FAM171B: variants seen among roughly 807,000 people sequenced by gnomAD.
The protein encoded by FAM171B is protein FAM171B.
A neutral mutation model predicts 75.6 loss-of-function variants in FAM171B; 19 were observed. The observed-to-expected ratio is 0.25, with a 90% CI of 0.18 to 0.37. The LOEUF (loss-of-function observed/expected upper bound fraction) is 0.37. Among genes scored for constraint, FAM171B ranks in the 10% least tolerant of loss-of-function variants. FAM171B has a pLI of 1.00. For synonymous variants in FAM171B, 367 were observed against 361.7 expected (o/e 1.01, Z -0.17); for missense variants, 848 against 982.4 (o/e 0.86, Z 1.83).
Position 186,694,545 on chromosome 2 carries a change from C to G in FAM171B, c.238+134C>G, listed in dbSNP as rs1275920111. The G allele has an allele frequency of 7.1e-6, 9 of 1,259,788 alleles. No individual in the cohort carries two copies. The African/African-American group carries it at 1.4e-4, about 19-fold the overall frequency. 78.0% of individuals were successfully genotyped at this position (1,259,788 alleles called of 1,614,324 possible). A position where few individuals can be genotyped will look rare whatever the true frequency, so the allele number is the denominator to read the frequency against. ...GTCACCATCCCTCCCGATCTCTCTCCCCAGACTGGCTGCCCAGCCTTTGGT... is the reference window on the plus strand; with the variant it reads ...GTCACCATCCCTCCCGATCTCTCTCGCCAGACTGGCTGCCCAGCCTTTGGT... On this transcript the variant is annotated intron_variant, in intron 1 of 7. Coordinates refer to ENST00000304698, the MANE Select transcript of FAM171B (RefSeq NM_177454.4).
chr2:186,727,006 C>G (rs995265209), intron 1 of FAM171B, among the ~76,000 whole-genome samples: 4 of 152,120 alleles, frequency 2.6e-5, no homozygotes, highest in African/African-American at 9.7e-5. Flanking sequence ...TGATCTCTTT[C>G]TCCTTTTTCT....
Position 186,762,145 on chromosome 2 carries a change from G to A in FAM171B, c.1803G>A (p.Arg601=), listed in dbSNP as rs143358801. 36 of 1,613,512 alleles carry A rather than the reference G, an allele frequency of 2.2e-5. No individual in the cohort carries two copies. The highest frequency in any genetic ancestry group is 3.0e-5 in the Non-Finnish European group (35 of 1,179,766). The part of the protein sequence containing the change: ...IHSHAQPPDA[R]EEDIILEGQQ... Reference sequence around the variant, plus strand: ...CTCATGCACAGCCCCCAGATGCCAGGGAAGAGGATATCATACTTGAAGGTC... The same window carrying A: ...CTCATGCACAGCCCCCAGATGCCAGAGAAGAGGATATCATACTTGAAGGTC... Residue 601 remains arginine (R), a synonymous_variant, in exon 8 of 8, where the codon AGG becomes AGA. Transcript: ENST00000304698. This position sits in a 1 kb window ranked among gnomAD's most constrained non-coding sequence, Gnocchi z 4.0.
chr2:186,719,808 T>A (rs2682873), intron 1 of FAM171B, among the ~76,000 whole-genome samples: 67,632 of 151,962 alleles, frequency 0.45, 15,411 homozygotes, highest in East Asian at 0.74. Flanking sequence ...GACCTATTAT[T>A]TCTCCTCCCC....
In FAM171B at chr2:186,744,943, A is replaced by G. The variant is rs368532226; in HGVS notation, c.565+1368A>G. Among the ~76,000 whole-genome samples, 56 of 139,522 alleles carry G rather than the reference A, an allele frequency of 4.0e-4. 1 individual carries two copies. The highest frequency in any genetic ancestry group is 2.7e-3 in the South Asian group (12 of 4,394). The allele number at this position is 139,522 out of a possible 152,430, so 91.5% of individuals were successfully genotyped here. On this transcript the variant is annotated intron_variant, in intron 3 of 7. Transcript: ENST00000304698. ...CCTCCTGGACTCAAGTGATCCTTCC[A>G]CCTCAGCCTCCCAAGTAGCTGAGAC...
intron 1 of FAM171B, among the ~76,000 whole-genome samples, chr2:186,697,039 G>GATGGATGGATGA (rs1553508595): frequency 1.3e-5 from 2 of 151,588 alleles, no homozygotes; most frequent in African/African-American, 4.9e-5. Flanking sequence ...TGGATGGATG[G>GATGGATGGATGA]ATGAATGAAT....
intron 1 of FAM171B, among the ~76,000 whole-genome samples, chr2:186,724,328 G>C (rs1345617790): frequency 6.6e-6 from 1 of 152,138 alleles, no homozygotes; most frequent in Non-Finnish European, 1.5e-5. Flanking sequence ...CACGATTTAT[G>C]CTGGGGGTCC....
intron 2 of FAM171B, among the ~76,000 whole-genome samples, chr2:186,740,809 C>G (rs1285902760): frequency 1.3e-5 from 2 of 152,146 alleles, no homozygotes; most frequent in Non-Finnish European, 2.9e-5. Context: ...AATGGGCAAA[C>G]AAGTTCTCTT....
intron 1 of FAM171B, among the ~76,000 whole-genome samples, chr2:186,708,355 A>AT (rs56138791): frequency 1.1e-4 from 16 of 151,702 alleles, no homozygotes; most frequent in African/African-American, 2.9e-4. Flanking sequence ...TGATTTCACT[A>AT]TTTTTTTTTC....
At chr2:186,699,058 T>C (rs1689619257) in intron 1 of FAM171B, among the ~76,000 whole-genome samples, 1 of 152,214 alleles carries the variant, frequency 6.6e-6, no homozygotes, top group Admixed American at 6.5e-5. Flanking sequence ...TTCCAAATAT[T>C]GGCGATTGTG....
chr2:186,722,573 A>C (rs1243791351), intron 1 of FAM171B, among the ~76,000 whole-genome samples: 1 of 152,214 alleles, frequency 6.6e-6, no homozygotes, highest in East Asian at 1.9e-4. Flanking sequence ...TGAATGCATG[A>C]AACACCATGC....
intron 1 of FAM171B, among the ~76,000 whole-genome samples, chr2:186,721,445 G>A (rs1204923884): frequency 1.3e-5 from 2 of 152,122 alleles, no homozygotes; most frequent in Non-Finnish European, 2.9e-5. Flanking sequence ...AATCAGTCAT[G>A]CATTCAGAAA....
intron 4 of FAM171B, among the ~76,000 whole-genome samples, chr2:186,748,856 A>G (rs1366484817): frequency 6.6e-6 from 1 of 152,108 alleles, no homozygotes; most frequent in East Asian, 1.9e-4. Flanking sequence ...GGTGTAAATA[A>G]AAGCATTTAC....
At chr2:186,714,829 G>A (rs554094709) in intron 1 of FAM171B, among the ~76,000 whole-genome samples, 2 of 152,240 alleles carry the variant, frequency 1.3e-5, no homozygotes, top group South Asian at 2.1e-4. Flanking sequence ...TCAGTTAGGT[G>A]GAACTGATTG....
chr2:186,714,675 A>C (rs1689851947), intron 1 of FAM171B, among the ~76,000 whole-genome samples: 1 of 152,236 alleles, frequency 6.6e-6, no homozygotes, highest in Non-Finnish European at 1.5e-5. Flanking sequence ...AAAATAAAAG[A>C]TTCAGTCACA....
intron 4 of FAM171B, 102 bp downstream of exon 4, chr2:186,747,352 TGGA>T: frequency 3.2e-6 from 2 of 627,686 alleles, no homozygotes; most frequent in Non-Finnish European, 4.7e-6. Flanking sequence ...ATATAAGCTA[TGGA>T]TAATACACAT....
chr2:186,759,594 G>T (rs1411644815), intron 6 of FAM171B, among the ~76,000 whole-genome samples: 2 of 152,110 alleles, frequency 1.3e-5, no homozygotes, highest in Non-Finnish European at 2.9e-5. Flanking sequence ...GATCAAATAT[G>T]TTGAGCCTCT....
At chr2:186,694,547 C>G in intron 1 of FAM171B, 136 bp downstream of exon 1, 1 of 1,255,808 alleles carries the variant, frequency 8.0e-7, no homozygotes, top group Non-Finnish European at 1.1e-6. Context: ...TCTCTCTCCC[C>G]AGACTGGCTG....
At chr2:186,714,350 TAAC>T (rs572512384) in intron 1 of FAM171B, among the ~76,000 whole-genome samples, 69 of 152,324 alleles carry the variant, frequency 4.5e-4, no homozygotes, top group African/African-American at 1.6e-3. Flanking sequence ...TTTCTGATGT[TAAC>T]AATATTCACA....
intron 1 of FAM171B, among the ~76,000 whole-genome samples, chr2:186,709,596 C>G (rs953670595): frequency 6.6e-6 from 1 of 152,168 alleles, no homozygotes; most frequent in African/African-American, 2.4e-5. Context: ...ACCATCTTGA[C>G]CAGATTGTGC....
Sources: allele counts gnomAD v4.1 joint callset (sites outside exome capture counted in the v4.1 genomes callset), GRCh38; gene constraint gnomAD v4.1.1; non-coding constraint Gnocchi (gnomAD v3.1); transcripts MANE v1.5; gene names NCBI Gene and HGNC (gene_info 2026-07-23, HGNC 2026-07-21).